Variants in CDKL3 observed in about 807,000 individuals in gnomAD.
CDKL3 encodes cyclin-dependent kinase-like 3.
Under a neutral mutation model 69.3 loss-of-function variants are expected in CDKL3, and 65 were observed. The ratio of observed to expected loss-of-function variants is 0.94; its 90% CI spans 0.77 to 1.15. CDKL3 has a LOEUF of 1.15. CDKL3 is among the 50% of genes most tolerant of loss of function. CDKL3 has a pLI of 0.00. For missense variants in CDKL3, 652 were observed against 689.2 expected (o/e 0.95, Z 0.61); for synonymous variants, 202 against 221.6 (o/e 0.91, Z 0.79).
intron 3 of CDKL3, among the ~76,000 whole-genome samples, chr5:134,359,184 G>A (rs769395843): frequency 1.3e-5 from 2 of 152,010 alleles, no homozygotes; most frequent in Non-Finnish European, 2.9e-5. Context: ...GACAAACACC[G>A]AGATGTTTTA....
At chr5:134,355,727 C>T (rs910105556) in intron 3 of CDKL3, among the ~76,000 whole-genome samples, 35 of 152,150 alleles carry the variant, frequency 2.3e-4, no homozygotes, top group African/African-American at 8.2e-4. Flanking sequence ...TATATGTTAT[C>T]TGACTGCTTC....
intron 8 of CDKL3, among the ~76,000 whole-genome samples, chr5:134,293,004 T>A (rs923371609): frequency 3.4e-5 from 2 of 58,676 alleles, no homozygotes; most frequent in African/African-American, 1.0e-4. Flanking sequence ...GCCAATTTCT[T>A]TTTTTTTTTT....
intron 5 of CDKL3, among the ~76,000 whole-genome samples, chr5:134,321,234 A>C (rs1025634756): frequency 4.5e-4 from 68 of 151,440 alleles, no homozygotes; most frequent in African/African-American, 1.6e-3. Context: ...TTGGTCTCCA[A>C]CTCCTGATCT....
chr5:134,314,414 C>A (rs1029432570), intron 6 of CDKL3, among the ~76,000 whole-genome samples: 1 of 152,124 alleles, frequency 6.6e-6, no homozygotes, highest in Admixed American at 6.6e-5. Context: ...TAAACATATG[C>A]CTACCCATGA....
chr5:134,312,452 G>T, intron 6 of CDKL3, 72 bp from the exon 7 acceptor site: 1 of 789,480 alleles, frequency 1.3e-6, no homozygotes, highest in South Asian at 1.8e-5. Context: ...AAATTTATTT[G>T]ACAAATTAAG....
intron 4 of CDKL3, among the ~76,000 whole-genome samples, chr5:134,340,450 A>G (rs1023960400): frequency 1.3e-5 from 2 of 152,178 alleles, no homozygotes; most frequent in Non-Finnish European, 2.9e-5. Flanking sequence ...TAAATCAACA[A>G]AATTGAAAAA....
At position 134,327,444 on chromosome 5, in the gene CDKL3, A is replaced by G. The variant is rs564690247; in HGVS notation, c.540-5541T>C. Among the ~76,000 whole-genome samples, 5 of 152,352 alleles carry G rather than the reference A, an allele frequency of 3.3e-5. No individual in the cohort carries two copies. In the South Asian group the frequency reaches 8.3e-4, roughly 25 times the overall value. ...GAGATTTTGCCTGGGGGAAGAAGCA[A>G]GCCATAAATTAGATGGCTCCTAATC... On this transcript the variant is annotated intron_variant, in intron 4 of 12. Transcript: ENST00000265334.
chr5:134,337,524 T>C (rs1016067614), intron 4 of CDKL3, among the ~76,000 whole-genome samples: 2 of 152,148 alleles, frequency 1.3e-5, no homozygotes, highest in African/African-American at 4.8e-5. Context: ...AAACAAGTTA[T>C]CCATTTGTAA....
intron 3 of CDKL3, among the ~76,000 whole-genome samples, chr5:134,356,983 T>C (rs1303657345): frequency 1.3e-5 from 2 of 152,154 alleles, no homozygotes; most frequent in African/African-American, 4.8e-5. Flanking sequence ...TACTACTATA[T>C]CGTTTGTGCC....
intron 7 of CDKL3, 81 bp from the exon 8 acceptor site, chr5:134,308,808 A>C (rs535475410): frequency 7.6e-6 from 9 of 1,188,986 alleles, no homozygotes; most frequent in Non-Finnish European, 9.2e-6. Flanking sequence ...CCATTTCATC[A>C]ATTAATGTAC....
At chr5:134,301,331 T>G (rs1766255930) in intron 12 of CDKL3, among the ~76,000 whole-genome samples, 1 of 152,096 alleles carries the variant, frequency 6.6e-6, no homozygotes, top group Non-Finnish European at 1.5e-5. Context: ...ATTTCTTCTC[T>G]GCAAAGTGGA....
intron 12 of CDKL3, chr5:134,302,148 T>C (rs1158208303): frequency 4.4e-6 from 2 of 456,254 alleles, no homozygotes; most frequent in Non-Finnish European, 8.8e-6. Context: ...ACCTGATAGT[T>C]AGCTGAGAGC....
upstream of CDKL3, chr5:134,371,574 G>T: frequency 6.2e-7 from 1 of 1,610,990 alleles, no homozygotes; most frequent in East Asian, 2.2e-5. Flanking sequence ...TTTTCAGACT[G>T]ACCGCGGGGC....
chr5:134,317,222 G>GAA (rs1216230890), intron 6 of CDKL3, among the ~76,000 whole-genome samples: 4 of 152,060 alleles, frequency 2.6e-5, no homozygotes. Context: ...TGCAACCTCT[G>GAA]CCTCCCAGGT....
intron 4 of CDKL3, among the ~76,000 whole-genome samples, chr5:134,348,083 ACTT>A (rs1327891193): frequency 1.3e-5 from 2 of 152,154 alleles, no homozygotes; most frequent in African/African-American, 4.8e-5. Flanking sequence ...GGGTGACAAA[ACTT>A]CTTTAAAATG....
chr5:134,325,300 TAGA>T (rs1773856127), intron 4 of CDKL3, among the ~76,000 whole-genome samples: 1 of 152,220 alleles, frequency 6.6e-6, no homozygotes, highest in East Asian at 1.9e-4. Flanking sequence ...TGTATACTGC[TAGA>T]TAATGACCTA....
In CDKL3 at chr5:134,366,401, T is replaced by C. The variant is rs768731564; in HGVS notation, c.123A>G (p.Gln41=). ...CTCTCATCGCAATTTTGTTGACAGA[T>C]TGTTCTGGTCTCTCATAAAATATCT... is the stretch of plus-strand genomic sequence containing the variant. ...AIKIFYERPE[Q]SVNKIAMREI... Residue 41 remains glutamine, a synonymous_variant, in exon 2 of 13, where the codon CAA becomes CAG. Transcript: ENST00000265334. The C allele has an allele frequency of 1.3e-6, 2 of 1,594,126 alleles. No homozygotes were observed. Among genetic ancestry groups the C allele is most frequent in the Non-Finnish European group, 8.5e-7 (1 of 1,171,462 alleles).
At chr5:134,367,996 TA>T (rs1757849860), upstream of CDKL3, among the ~76,000 whole-genome samples, 1 of 152,192 alleles carries the variant, frequency 6.6e-6, no homozygotes. Flanking sequence ...CTTTCTTCTA[TA>T]AAATGAGTTA....
intron 4 of CDKL3, among the ~76,000 whole-genome samples, chr5:134,329,571 G>A (rs1015550179): frequency 2.0e-5 from 3 of 151,436 alleles, no homozygotes; most frequent in Admixed American, 6.6e-5. Flanking sequence ...CTGGGTTGAC[G>A]CCATTCTCCT....
Sources: allele counts gnomAD v4.1 joint callset (sites outside exome capture counted in the v4.1 genomes callset), GRCh38; gene constraint gnomAD v4.1.1; transcripts MANE v1.5; gene names NCBI Gene and HGNC (gene_info 2026-07-23, HGNC 2026-07-21).